The following PREX2 variants were observed in gnomAD, a reference collection of about 807,000 sequenced individuals.
The protein encoded by PREX2 is phosphatidylinositol 3,4,5-trisphosphate-dependent Rac exchanger 2 protein.
PREX2 carries 107 observed loss-of-function variants against 203.2 expected under a neutral mutation model. That is an observed-to-expected ratio of 0.53 (90% CI 0.45 to 0.62). PREX2 has a LOEUF of 0.62. Among genes scored for constraint, PREX2 ranks in the 20% least tolerant of loss-of-function variants. The probability of loss-of-function intolerance (pLI) is 0.00; values close to 1 mark genes in which losing one functional copy is unlikely to be tolerated. For synonymous variants in PREX2, 672 were observed against 663.6 expected (o/e 1.01, Z -0.19); for missense variants, 1,777 against 1,955.9 (o/e 0.91, Z 1.72).
intron 1 of PREX2, among the ~76,000 whole-genome samples, chr8:68,009,162 G>A (rs1661586744): frequency 6.6e-6 from 1 of 152,138 alleles, no homozygotes; most frequent in Non-Finnish European, 1.5e-5. Flanking sequence ...GGGTTTTCCA[G>A]CACTAAATAC....
At chr8:68,042,886 A>G (rs1237344947) in intron 7 of PREX2, among the ~76,000 whole-genome samples, 1 of 152,094 alleles carries the variant, frequency 6.6e-6, no homozygotes, top group Non-Finnish European at 1.5e-5. Flanking sequence ...GTTCACAGTA[A>G]GATCATAAAA....
At chr8:68,086,954 A>C (rs890247297) in intron 18 of PREX2, among the ~76,000 whole-genome samples, 4 of 152,162 alleles carry the variant, frequency 2.6e-5, no homozygotes, top group Non-Finnish European at 4.4e-5. Context: ...GTAGAAATGT[A>C]TTAACTCTGT....
At chr8:68,021,026 A>G (rs150499640) in intron 3 of PREX2, among the ~76,000 whole-genome samples, 2 of 152,316 alleles carry the variant, frequency 1.3e-5, no homozygotes, top group Non-Finnish European at 2.9e-5. Flanking sequence ...TTTGATCAGT[A>G]AATTTTTTGT....
intron 21 of PREX2, among the ~76,000 whole-genome samples, chr8:68,093,961 C>A (rs541863592): frequency 3.3e-5 from 5 of 152,292 alleles, no homozygotes; most frequent in African/African-American, 1.2e-4. Flanking sequence ...AAAAGAAAAT[C>A]TCCTAAAATG....
intron 25 of PREX2, among the ~76,000 whole-genome samples, chr8:68,113,417 C>A (rs2129612914): frequency 6.6e-6 from 1 of 152,302 alleles, no homozygotes; most frequent in African/African-American, 2.4e-5. Flanking sequence ...GTCTGTGCAG[C>A]ATGGAGCTTG....
intron 34 of PREX2, among the ~76,000 whole-genome samples, chr8:68,151,122 T>C (rs1363011977): frequency 2.0e-5 from 3 of 152,050 alleles, no homozygotes; most frequent in Non-Finnish European, 4.4e-5. Context: ...AAAAACCCTA[T>C]TTCAAAATAA....
intron 35 of PREX2, among the ~76,000 whole-genome samples, chr8:68,185,038 C>T (rs543456551): frequency 2.0e-5 from 3 of 152,288 alleles, no homozygotes; most frequent in African/African-American, 7.2e-5. Flanking sequence ...CTCCTTTACT[C>T]TGTCTCACGG....
At position 68,144,189 on chromosome 8, in the gene PREX2, A is replaced by G. The variant is rs531886293; in HGVS notation, c.4088-2020A>G. On this transcript the variant is annotated intron_variant, in intron 33 of 39. Coordinates refer to ENST00000288368, the MANE Select transcript of PREX2 (RefSeq NM_024870.4). ...GCTATTTTGGGTCTTTTGCCTTTTCATATAAACTTTAGAATTAGTTTGTCA... is the reference window on the plus strand; with the variant it reads ...GCTATTTTGGGTCTTTTGCCTTTTCGTATAAACTTTAGAATTAGTTTGTCA... Among the ~76,000 whole-genome samples the G allele has an allele frequency of 3.3e-5, 5 of 152,220 alleles. No homozygotes were observed. In the East Asian group the frequency reaches 9.7e-4, roughly 29 times the overall value.
intron 1 of PREX2, among the ~76,000 whole-genome samples, chr8:68,014,449 G>GT (rs2129610079): frequency 6.6e-6 from 1 of 152,132 alleles, no homozygotes; most frequent in African/African-American, 2.4e-5. Flanking sequence ...TCGGGGTGCG[G>GT]GGGGGGCGGC....
chr8:67,983,890 C>T (rs1393193202), intron 1 of PREX2, among the ~76,000 whole-genome samples: 2 of 152,140 alleles, frequency 1.3e-5, no homozygotes, highest in Admixed American at 6.5e-5. Context: ...TGATATTGGT[C>T]CCAGCATCAT....
At chr8:68,152,785 G>A (rs1811468469) in intron 34 of PREX2, among the ~76,000 whole-genome samples, 1 of 152,146 alleles carries the variant, frequency 6.6e-6, no homozygotes, top group Admixed American at 6.5e-5. Flanking sequence ...TACCAATGGC[G>A]AGGAGGCCTC....
chr8:67,970,915 A>G (rs1001087273), intron 1 of PREX2, among the ~76,000 whole-genome samples: 6 of 152,132 alleles, frequency 3.9e-5, no homozygotes, highest in African/African-American at 1.4e-4. Context: ...ATTCCCTTTC[A>G]TCTGTCGTTC....
At chr8:68,199,837 A>C (rs1364097003) in intron 37 of PREX2, among the ~76,000 whole-genome samples, 3 of 152,242 alleles carry the variant, frequency 2.0e-5, no homozygotes, top group Non-Finnish European at 4.4e-5. Context: ...GGTAATGCAG[A>C]ATCTTTTTAA....
intron 18 of PREX2, among the ~76,000 whole-genome samples, chr8:68,084,711 G>C (rs1225710648): frequency 6.6e-6 from 1 of 152,060 alleles, no homozygotes; most frequent in Non-Finnish European, 1.5e-5. Context: ...ACCTAATTAT[G>C]GTCTGTTCCT....
intron 23 of PREX2, among the ~76,000 whole-genome samples, chr8:68,100,652 G>C (rs553010469): frequency 6.6e-6 from 1 of 152,136 alleles, no homozygotes; most frequent in Admixed American, 6.5e-5. Context: ...GTTGGTGGCC[G>C]GGCTTAAGGT....
chr8:68,109,012 T>A, intron 24 of PREX2: 1 of 451,650 alleles, frequency 2.2e-6, no homozygotes, highest in South Asian at 1.6e-5. Flanking sequence ...CTCATAGAAG[T>A]AGAGAGTAGA....
intron 1 of PREX2, among the ~76,000 whole-genome samples, chr8:68,002,624 G>A (rs1806975618): frequency 6.6e-6 from 1 of 151,784 alleles, no homozygotes; most frequent in Admixed American, 6.6e-5. Context: ...TTCTTAGGTT[G>A]ATGCTTACAT....
intron 37 of PREX2, among the ~76,000 whole-genome samples, chr8:68,200,731 A>G (rs1490653211): frequency 6.6e-6 from 1 of 152,104 alleles, no homozygotes. Context: ...AAATCAGTAT[A>G]TGAAAGGGTG....
intron 35 of PREX2, among the ~76,000 whole-genome samples, chr8:68,173,352 CAT>C (rs1446370328): frequency 1.3e-5 from 2 of 152,166 alleles, no homozygotes; most frequent in African/African-American, 2.4e-5. Flanking sequence ...ATAAATTTCA[CAT>C]GAGGCAAGAT....
Sources: allele counts gnomAD v4.1 joint callset (sites outside exome capture counted in the v4.1 genomes callset), GRCh38; gene constraint gnomAD v4.1.1; transcripts MANE v1.5; gene names NCBI Gene and HGNC (gene_info 2026-07-23, HGNC 2026-07-21).